SDK2: variants seen among roughly 807,000 people sequenced by gnomAD.
SDK2 encodes the protein protein sidekick-2.
SDK2 carries 105 observed loss-of-function variants against 253.9 expected under a neutral mutation model. That is an observed-to-expected ratio of 0.41 (90% CI 0.35 to 0.49). SDK2 has a LOEUF of 0.49. Ranked by LOEUF, SDK2 falls within the 20% of genes least tolerant of loss-of-function variation. SDK2 has a pLI of 0.06. For synonymous variants in SDK2, 1,249 were observed against 1,234.9 expected, an observed-to-expected ratio of 1.01 and a Z score of -0.24; for missense variants, 2,608 against 3,003.0, an observed-to-expected ratio of 0.87 and a Z score of 3.07.
At chr17:73,552,981 C>T (rs541798260) in intron 1 of SDK2, among the ~76,000 whole-genome samples, 5 of 152,344 alleles carry the variant, frequency 3.3e-5, no homozygotes, top group Non-Finnish European at 5.9e-5. Context: ...CTGGGTTCCT[C>T]GAGCACCCTA....
chr17:73,458,159 A>G (rs76575165), intron 3 of SDK2, among the ~76,000 whole-genome samples: 3,773 of 152,254 alleles, frequency 0.025, 171 homozygotes, highest in African/African-American at 0.085. Flanking sequence ...TATTTTTAAT[A>G]GAAACGAGGT....
chr17:73,448,872 G>A (rs938531095), intron 4 of SDK2, among the ~76,000 whole-genome samples: 3 of 151,934 alleles, frequency 2.0e-5, no homozygotes, highest in African/African-American at 7.3e-5. Context: ...TGTTGGCCAG[G>A]CTGGTCTCAA....
chr17:73,520,963 A>G (rs893772386), intron 1 of SDK2: 2 of 151,634 alleles, frequency 1.3e-5, no homozygotes, highest in Non-Finnish European at 2.9e-5. Flanking sequence ...TGATGAAAGT[A>G]TTCTGGAACT....
At chr17:73,377,072 C>CCTGTGGGATGAGGTGCCTTGCG (rs1568371968) in intron 36 of SDK2, among the ~76,000 whole-genome samples, 2 of 152,290 alleles carry the variant, frequency 1.3e-5, no homozygotes, top group African/African-American at 4.8e-5. Flanking sequence ...CTACTCCCCA[C>CCTGTGGGATGAGGTGCCTTGCG]TTAAGCCATG....
chr17:73,368,492 C>T lies in SDK2; in HGVS notation c.5082G>A (p.Thr1694=), dbSNP rs140121891. 747 of 1,610,568 alleles carry T rather than the reference C, an allele frequency of 4.6e-4. 3 individuals are homozygous for T. In the African/African-American group the frequency reaches 8.3e-3, roughly 18 times the overall value. Residue 1694 remains threonine, a synonymous_variant, in exon 37 of 45, where the codon ACG becomes ACA. Coordinates refer to ENST00000392650, the MANE Select transcript of SDK2 (RefSeq NM_001144952.2). ...SVKLKNLTGY[T]AYMVSVAAFN... ...AGGCGGCCACGCTGACCATGTAGGC[C>T]GTGTAGCCAGTCAAGTTCTTGAGCT...
chr17:73,571,356 C>T (rs1199767340), intron 1 of SDK2, among the ~76,000 whole-genome samples: 2 of 152,080 alleles, frequency 1.3e-5, no homozygotes, highest in African/African-American at 2.4e-5. Flanking sequence ...GGCACCAGGG[C>T]GAAGACACTG....
At chr17:73,590,105 C>T (rs1427031865) in intron 1 of SDK2, among the ~76,000 whole-genome samples, 2 of 152,356 alleles carry the variant, frequency 1.3e-5, no homozygotes, top group African/African-American at 2.4e-5. Context: ...GAAGTCTGGG[C>T]TCATCAGGAA....
intron 44 of SDK2, among the ~76,000 whole-genome samples, chr17:73,346,858 C>T (rs896415282): frequency 3.9e-5 from 6 of 152,266 alleles, no homozygotes; most frequent in South Asian, 4.1e-4. Context: ...CGGCTGAAAC[C>T]GAGGGGCCCT....
chr17:73,396,616 C>A (rs1454567613), intron 24 of SDK2, among the ~76,000 whole-genome samples: 1 of 152,232 alleles, frequency 6.6e-6, no homozygotes, highest in Admixed American at 6.5e-5. Context: ...GTGCAAGTTC[C>A]TTTACCTGCT....
At position 73,443,867 on chromosome 17, in the gene SDK2, T is replaced by C. The variant is rs1158472715; in HGVS notation, c.614-2944A>G. ...AATTCAGGCCCCAGCTCAACAAATC[T>C]TTCCTAGGTGAATGCTTGACACGTG... is the stretch of plus-strand genomic sequence containing the variant. On this transcript the variant is annotated intron_variant, in intron 5 of 44. Coordinates refer to ENST00000392650, the MANE Select transcript of SDK2 (RefSeq NM_001144952.2). The surrounding 1 kb of genome is among the most constrained non-coding windows in gnomAD (Gnocchi z 4.6). Among the ~76,000 whole-genome samples the C allele has an allele frequency of 6.6e-6, 1 of 152,150 alleles. No homozygotes were observed. Among genetic ancestry groups the C allele is most frequent in the African/African-American group, 2.4e-5 (1 of 41,430 alleles).
chr17:73,612,310 C>T lies in SDK2; in HGVS notation c.64+31715G>A, dbSNP rs1287401967. Among the ~76,000 whole-genome samples the T allele has an allele frequency of 6.6e-6, 1 of 151,704 alleles. No individual in the cohort carries two copies. The highest frequency in any genetic ancestry group is 1.5e-5 in the Non-Finnish European group (1 of 67,912). ...GGGCTGCAGGCTGGCCCCGCATGGTCCCCTACCCTCATCGGGTCACTGTGA... is the reference window on the plus strand; with the variant it reads ...GGGCTGCAGGCTGGCCCCGCATGGTTCCCTACCCTCATCGGGTCACTGTGA... On this transcript the variant is annotated intron_variant, in intron 1 of 44. Coordinates refer to ENST00000392650, the MANE Select transcript of SDK2 (RefSeq NM_001144952.2). The surrounding 1 kb of genome is among the most constrained non-coding windows in gnomAD (Gnocchi z 4.4).
In SDK2 at chr17:73,365,532, G is replaced by A. The variant is rs554454761; in HGVS notation, c.5168-137C>T. 33 of 787,540 alleles carry A rather than the reference G, an allele frequency of 4.2e-5. No individual in the cohort carries two copies. In the South Asian group the frequency reaches 5.2e-4, roughly 12 times the overall value. The allele number at this position is 787,540 out of a possible 1,614,324, so 48.8% of individuals were successfully genotyped here. A position where few individuals can be genotyped will look rare whatever the true frequency, so the allele number is the denominator to read the frequency against. On this transcript the variant is annotated intron_variant, in intron 37 of 44. Coordinates refer to ENST00000392650, the MANE Select transcript of SDK2 (RefSeq NM_001144952.2). The stretch of plus-strand genomic sequence containing the variant: ...GAGCGTGGGGCTCGGCAGAAAGGGC[G>A]GGCAGGAGGGGTCACTGGAGGCCAT...
intron 1 of SDK2, among the ~76,000 whole-genome samples, chr17:73,591,040 C>CCA (rs2045674823): frequency 6.6e-6 from 1 of 152,166 alleles, no homozygotes; most frequent in Non-Finnish European, 1.5e-5. Context: ...CTGCCTCAGC[C>CCA]TCCTGAGTAG....
At position 73,447,547 on chromosome 17, in the gene SDK2, C is replaced by T. The variant is rs959628821; in HGVS notation, c.613+68G>A. The stretch of plus-strand genomic sequence containing the variant: ...CTGCCACTCCATCTTCCCAATGATC[C>T]CCTGGAGCACCATTGCTAAGATTTA... On this transcript the variant is annotated intron_variant, in intron 5 of 44. Transcript: ENST00000392650. This position sits in a 1 kb window ranked among gnomAD's most constrained non-coding sequence, Gnocchi z 4.0. 3.3e-6 allele frequency: 5 copies of T among 1,536,796 alleles called. No homozygotes were observed. The highest frequency in any genetic ancestry group is 4.4e-6 in the Non-Finnish European group (5 of 1,135,500).
At position 73,350,341 on chromosome 17, in the gene SDK2, G is replaced by T. The variant is rs773777944; in HGVS notation, c.5934C>A (p.Ser1978Arg). 1.2e-6 allele frequency: 2 copies of T among 1,613,822 alleles called. No homozygotes were observed. Among genetic ancestry groups the T allele is most frequent in the East Asian group, 2.2e-5 (1 of 44,860 alleles). The stretch of plus-strand genomic sequence containing the variant: ...TGCTTTCATCCAAGCTCATCATCTC[G>T]CTGTGGCCTAGGGCTCCAGACTTGG... ...NSAKSGALGH[S>R]EMMSLDESSF... Residue 1978 changes from serine to arginine, a missense_variant, in exon 43 of 45, where the codon AGC (serine) becomes AGA (arginine). By Grantham distance (110) the Ser-to-Arg change is moderately radical. Transcript: ENST00000392650.
rs765802967 is a variant in SDK2, at chr17:73,618,717, C to T, written c.64+25308G>A. On this transcript the variant is annotated intron_variant, in intron 1 of 44. Coordinates refer to ENST00000392650, the MANE Select transcript of SDK2 (RefSeq NM_001144952.2). This position sits in a 1 kb window ranked among gnomAD's most constrained non-coding sequence, Gnocchi z 4.1. The stretch of plus-strand genomic sequence containing the variant: ...CTTAGACAGGCAACTTCCTATTCCC[C>T]GATCACCCCTGCCATCCTCACGGCC... Among the ~76,000 whole-genome samples the T allele has an allele frequency of 2.6e-5, 4 of 152,130 alleles. No individual in the cohort carries two copies. The highest frequency in any genetic ancestry group is 7.2e-5 in the African/African-American group (3 of 41,424).
At chr17:73,430,648 A>C (rs550060753) in intron 11 of SDK2, 35 bp from the exon 12 acceptor site, 1 of 1,419,130 alleles carries the variant, frequency 7.0e-7, no homozygotes, top group Non-Finnish European at 9.4e-7. Flanking sequence ...TGGTGAGAAG[A>C]GGTGTGGGGG....
chr17:73,425,161 G>C (rs1224289473), intron 12 of SDK2, among the ~76,000 whole-genome samples: 2 of 151,988 alleles, frequency 1.3e-5, no homozygotes, highest in African/African-American at 2.4e-5. Flanking sequence ...TGGAGGTTGC[G>C]GGGAGCCGAG....
chr17:73,379,739 C>T lies in SDK2; in HGVS notation c.4763-190G>A, dbSNP rs1013084056. Reference sequence around the variant, plus strand: ...AGGGGACGCTCTGTGCCAATCTGGACATAGGGCAATGCTGGTTGGCCTCTT... The same window carrying T: ...AGGGGACGCTCTGTGCCAATCTGGATATAGGGCAATGCTGGTTGGCCTCTT... On this transcript the variant is annotated intron_variant, in intron 34 of 44. Transcript: ENST00000392650. The surrounding 1 kb of genome is among the most constrained non-coding windows in gnomAD (Gnocchi z 4.5). Among the ~76,000 whole-genome samples, 1 of 152,130 alleles carries T rather than the reference C, an allele frequency of 6.6e-6. No homozygotes were observed. Among genetic ancestry groups the T allele is most frequent in the Admixed American group, 6.5e-5 (1 of 15,280 alleles).
Sources: gnomAD v4.1 joint callset for allele counts (sites outside exome capture counted in the v4.1 genomes callset) on GRCh38, gnomAD v4.1.1 for gene constraint, Gnocchi (gnomAD v3.1) non-coding constraint, MANE v1.5 for transcripts, NCBI Gene and HGNC (gene_info 2026-07-23, HGNC 2026-07-21) for gene names.